Variants in PARVB observed in about 807,000 individuals in gnomAD.
PARVB encodes beta-parvin.
A neutral mutation model predicts 47.0 loss-of-function variants in PARVB; 46 were observed. The ratio of observed to expected loss-of-function variants is 0.98; its 90% CI spans 0.77 to 1.25. PARVB has a LOEUF of 1.25. Ranked by LOEUF, PARVB falls within the 50% of genes most tolerant of loss-of-function variation. PARVB has a pLI of 0.00. For synonymous variants in PARVB, 196 were observed against 196.3 expected (o/e 1.00, Z 0.01); for missense variants, 473 against 471.6 (o/e 1.00, Z -0.03).
At chr22:44,106,138 G>GTTTTT (rs959620356) in intron 3 of PARVB, 8 of 69,352 alleles carry the variant, frequency 1.2e-4, no homozygotes, top group African/African-American at 2.0e-4. Flanking sequence ...AGCCAGATGT[G>GTTTTT]TTTTTTTTTT....
chr22:44,056,264 G>A (rs1601536456), intron 1 of PARVB, among the ~76,000 whole-genome samples: 2 of 152,182 alleles, frequency 1.3e-5, no homozygotes, highest in South Asian at 4.1e-4. Flanking sequence ...CAGGAGCACC[G>A]TCCCTTTGTC....
intron 1 of PARVB, among the ~76,000 whole-genome samples, chr22:44,066,855 CT>C (rs553556879): frequency 2.0e-5 from 3 of 147,220 alleles, no homozygotes; most frequent in South Asian, 2.2e-4. Context: ...CTTCTTCTTC[CT>C]TTTTTTTCTT....
At chr22:44,056,568 C>T (rs1047652900) in intron 1 of PARVB, among the ~76,000 whole-genome samples, 2 of 152,120 alleles carry the variant, frequency 1.3e-5, no homozygotes, top group African/African-American at 2.4e-5. Context: ...TACAGTGGTG[C>T]AATCACGGCT....
intron 9 of PARVB, 55 bp from the exon 10 acceptor site, chr22:44,151,428 A>G: frequency 7.4e-7 from 1 of 1,347,688 alleles, no homozygotes; most frequent in African/African-American, 1.4e-5. Context: ...GCCCCTCCAG[A>G]TGGGACCTGC....
chr22:44,140,876 G>A (rs980140729), intron 8 of PARVB: 9 of 234,790 alleles, frequency 3.8e-5, no homozygotes, highest in South Asian at 1.8e-4. Context: ...TCTTCATCTC[G>A]GTGAGGGATG....
chr22:44,011,127 CCTGA>C (rs1318617837), intron 2 of PARVB, among the ~76,000 whole-genome samples: 2 of 151,916 alleles, frequency 1.3e-5, no homozygotes, highest in African/African-American at 4.8e-5. Flanking sequence ...CCCGGCCATG[CCTGA>C]CTAATTTTTT....
intron 1 of PARVB, among the ~76,000 whole-genome samples, chr22:44,030,426 C>T (rs570387486): frequency 5.3e-5 from 8 of 152,324 alleles, no homozygotes; most frequent in Admixed American, 2.6e-4. Flanking sequence ...GGCTGAGCAA[C>T]GGTGCAGCCT....
In PARVB at chr22:44,006,502, G is replaced by A. The variant is rs374247145; in HGVS notation, c.211+6829G>A. Among the ~76,000 whole-genome samples the A allele has an allele frequency of 2.4e-3, 363 of 152,336 alleles. 2 individuals are homozygous for A. Among genetic ancestry groups the A allele is most frequent in the African/African-American group, 8.1e-3 (335 of 41,580 alleles). ...CAGTCGGGCGTGGTGGCATGCGCCT[G>A]TAGTCCCAGCTACTTGGGAGGCTGA... On this transcript the variant is annotated intron_variant, in intron 2 of 13. Transcript: ENST00000406477.
In PARVB at chr22:44,086,465, G is replaced by A. The variant is rs530447145; in HGVS notation, c.113-7463G>A. Reference sequence around the variant, plus strand: ...ACCTTGGAGATTGGACTTGGAGTTCGTAACCTCCTGGGGAGGGCCAGGCCT... The same window carrying A: ...ACCTTGGAGATTGGACTTGGAGTTCATAACCTCCTGGGGAGGGCCAGGCCT... On this transcript the variant is annotated intron_variant, in intron 1 of 12. Coordinates refer to ENST00000338758, the MANE Select transcript of PARVB (RefSeq NM_013327.5). 1.3e-3 allele frequency among the ~76,000 whole-genome samples: 198 copies of A among 152,296 alleles called. 1 individual carries two copies. Among genetic ancestry groups the A allele is most frequent in the African/African-American group, 4.4e-3 (183 of 41,554 alleles).
intron 1 of PARVB, among the ~76,000 whole-genome samples, chr22:44,075,040 C>T (rs148864115): frequency 2.0e-5 from 3 of 152,196 alleles, no homozygotes; most frequent in African/African-American, 4.8e-5. Flanking sequence ...CCTCTACACA[C>T]GAGGTGTCAG....
rs897630642 is a variant in PARVB at position 44,168,211 on chromosome 22, G to A, written c.1019-391G>A. On this transcript the variant is annotated intron_variant, in intron 12 of 12. Transcript: ENST00000338758. The stretch of plus-strand genomic sequence containing the variant: ...TGTCCACATAAAGAAAGTGGCCCAA[G>A]ACTTCCAGGGCCCCAGAGGGAGCTG... 1.7e-5 allele frequency: 3 copies of A among 181,812 alleles called. No individual in the cohort carries two copies. The South Asian group carries it at 3.6e-4, about 22-fold the overall frequency. The allele number at this position is 181,812 out of a possible 1,614,324, so 11.3% of individuals were successfully genotyped here.
exon 2 of PARVB, chr22:43,999,606 G>A (rs759077078): frequency 2.5e-6 from 4 of 1,613,856 alleles, no homozygotes; most frequent in Non-Finnish European, 3.4e-6. Context: ...TGGCTTCTCT[G>A]GCTGGTTCAC....
At chr22:44,140,208 A>G in intron 8 of PARVB, 65 bp downstream of exon 8, 10 of 1,523,258 alleles carry the variant, frequency 6.6e-6, no homozygotes, top group Non-Finnish European at 8.2e-6. Flanking sequence ...AAGCTCCCAG[A>G]GAGTGTACAT....
rs1332999542 is a variant in PARVB, at chr22:44,155,713, A to G, written c.844-2269A>G. Among the ~76,000 whole-genome samples the G allele has an allele frequency of 1.3e-5, 2 of 152,190 alleles. No homozygotes were observed. The highest frequency in any genetic ancestry group is 2.9e-5 in the Non-Finnish European group (2 of 68,040). On this transcript the variant is annotated intron_variant, in intron 10 of 12. Transcript: ENST00000338758. This position sits in a 1 kb window ranked among gnomAD's most constrained non-coding sequence, Gnocchi z 4.8. ...CACGCTTAACCAGGGTGCTGTGGGC[A>G]TGAAGCTTCCATGTGGAGACACACT...
At position 44,131,468 on chromosome 22, in the gene PARVB, C is replaced by G. The variant is rs763155325; in HGVS notation, c.377-19C>G. 6.2e-7 allele frequency: 1 copy of G among 1,612,674 alleles called. No homozygotes were observed. The highest frequency in any genetic ancestry group is 2.2e-5 in the East Asian group (1 of 44,846). On this transcript the variant is annotated intron_variant, in intron 4 of 12. Transcript: ENST00000338758. ...TTCCAGCTTTTTCTGACCCTCTTCT[C>G]TTGTGCTTCTCATTGCAGAAAAACT...
intron 2 of PARVB, among the ~76,000 whole-genome samples, chr22:44,016,219 C>G (rs922740354): frequency 1.5e-4 from 23 of 151,824 alleles, no homozygotes; most frequent in Non-Finnish European, 2.8e-4. Flanking sequence ...GCCTCAGCCT[C>G]CCGAGTAGCT....
chr22:44,038,289 G>C (rs2050956610), intron 1 of PARVB, among the ~76,000 whole-genome samples: 1 of 152,206 alleles, frequency 6.6e-6, no homozygotes, highest in Non-Finnish European at 1.5e-5. Context: ...GCAAGAGGCA[G>C]TCTAGTGTAG....
At chr22:43,999,745 G>A in intron 2 of PARVB, 2 of 1,009,940 alleles carry the variant, frequency 2.0e-6, no homozygotes. Flanking sequence ...TGTAACCCTA[G>A]CACTTTGGGA....
intron 10 of PARVB, chr22:44,153,416 C>T (rs2053852818): frequency 6.6e-6 from 1 of 152,138 alleles, no homozygotes; most frequent in Admixed American, 6.6e-5. Context: ...GCAACCTCCA[C>T]CTCCTGGGTT....
Sources: allele counts gnomAD v4.1 joint callset (sites outside exome capture counted in the v4.1 genomes callset), GRCh38; gene constraint gnomAD v4.1.1; non-coding constraint Gnocchi (gnomAD v3.1); transcripts MANE v1.5; gene names NCBI Gene and HGNC (gene_info 2026-07-23, HGNC 2026-07-21).